Variants in AUTS2 observed in about 807,000 individuals in gnomAD.
AUTS2 encodes autism susceptibility gene 2 protein.
A neutral mutation model predicts 112.4 loss-of-function variants in AUTS2; 17 were observed. The observed-to-expected ratio is 0.15, with a 90% CI of 0.10 to 0.23. The LOEUF (loss-of-function observed/expected upper bound fraction) is 0.23. Among genes scored for constraint, AUTS2 ranks in the 10% least tolerant of loss-of-function variants. The pLI is 1.00. For missense variants in AUTS2, 1,510 were observed against 1,701.6 expected, an observed-to-expected ratio of 0.89 and a Z score of 1.98; for synonymous variants, 751 against 702.7, an observed-to-expected ratio of 1.07 and a Z score of -1.09.
At chr7:70,150,121 C>T (rs184025946) in intron 4 of AUTS2, among the ~76,000 whole-genome samples, 19 of 151,936 alleles carry the variant, frequency 1.3e-4, no homozygotes, top group Admixed American at 5.9e-4. Context: ...AAAATGTTTC[C>T]GAGGTAATGT....
At chr7:69,675,327 T>A (rs1186766428) in intron 1 of AUTS2, among the ~76,000 whole-genome samples, 1 of 152,152 alleles carries the variant, frequency 6.6e-6, no homozygotes, top group African/African-American at 2.4e-5. Context: ...TAAAAAATAA[T>A]TTTACAAATT....
intron 2 of AUTS2, among the ~76,000 whole-genome samples, chr7:70,012,666 G>A (rs573186135): frequency 6.6e-6 from 1 of 152,122 alleles, no homozygotes; most frequent in African/African-American, 2.4e-5. Context: ...TGTTAGAAGA[G>A]GCTTTGTCTT....
At chr7:70,141,325 T>A (rs576960804) in intron 4 of AUTS2, among the ~76,000 whole-genome samples, 1 of 152,192 alleles carries the variant, frequency 6.6e-6, no homozygotes, top group African/African-American at 2.4e-5. Flanking sequence ...GAGAAGGACG[T>A]CAAGTAAAGG....
At chr7:70,338,775 G>T (rs1475352072) in intron 4 of AUTS2, among the ~76,000 whole-genome samples, 1 of 151,920 alleles carries the variant, frequency 6.6e-6, no homozygotes, top group Non-Finnish European at 1.5e-5. Flanking sequence ...TGCTGTTGTT[G>T]TTTTAAACCA....
At chr7:70,720,969 C>T (rs1458172524) in intron 6 of AUTS2, among the ~76,000 whole-genome samples, 1 of 151,960 alleles carries the variant, frequency 6.6e-6, no homozygotes, top group Non-Finnish European at 1.5e-5. Flanking sequence ...CATACAAACA[C>T]AAGGGAAACA....
At chr7:69,984,599 A>T (rs1371833448) in intron 2 of AUTS2, among the ~76,000 whole-genome samples, 1 of 151,924 alleles carries the variant, frequency 6.6e-6, no homozygotes, top group African/African-American at 2.4e-5. Flanking sequence ...CACGTTACTT[A>T]TCTTTGTTTG....
intron 5 of AUTS2, among the ~76,000 whole-genome samples, chr7:70,652,570 T>C (rs1226943286): frequency 6.6e-6 from 1 of 152,052 alleles, no homozygotes; most frequent in African/African-American, 2.4e-5. Context: ...TCATAGAAAA[T>C]TGTGGTAGCC....
rs79041303 is a variant in AUTS2, at chr7:70,116,783, T to C, written c.523-1349T>C. On this transcript the variant is annotated intron_variant, in intron 2 of 18. Coordinates refer to ENST00000342771, the MANE Select transcript of AUTS2 (RefSeq NM_015570.4). ...TCCAAGGCTTCAGAAATCACTTCTC[T>C]GAACCTCCCTGGCTACTTTTTGGTT... Among the ~76,000 whole-genome samples the C allele has an allele frequency of 3.0e-3, 463 of 152,350 alleles. 5 individuals are homozygous for C. The highest frequency in any genetic ancestry group is 0.011 in the African/African-American group (449 of 41,592).
chr7:69,738,950 AGT>A (rs1787152077), intron 1 of AUTS2, among the ~76,000 whole-genome samples: 1 of 152,106 alleles, frequency 6.6e-6, no homozygotes, highest in South Asian at 2.1e-4. Flanking sequence ...TGCAGTTATT[AGT>A]GTGAATGCAA....
At chr7:69,669,942 C>A (rs185320713) in intron 1 of AUTS2, among the ~76,000 whole-genome samples, 1 of 152,062 alleles carries the variant, frequency 6.6e-6, no homozygotes, top group Admixed American at 6.6e-5. Flanking sequence ...CACAGCCTGG[C>A]GACATAATGG....
At chr7:70,226,523 A>G (rs1176696724) in intron 4 of AUTS2, among the ~76,000 whole-genome samples, 1 of 151,816 alleles carries the variant, frequency 6.6e-6, no homozygotes, top group East Asian at 1.9e-4. Context: ...TAATAATTAC[A>G]TATTACAGAT....
chr7:70,285,277 A>G (rs1788406094), intron 4 of AUTS2, among the ~76,000 whole-genome samples: 1 of 152,182 alleles, frequency 6.6e-6, no homozygotes, highest in Non-Finnish European at 1.5e-5. Context: ...AGTAGAGTAT[A>G]TTTCCAACTT....
intron 2 of AUTS2, among the ~76,000 whole-genome samples, chr7:69,913,305 A>G (rs2129542047): frequency 6.6e-6 from 1 of 152,280 alleles, no homozygotes; most frequent in African/African-American, 2.4e-5. Context: ...TCACCCCAGA[A>G]TTTATCAGCT....
intron 5 of AUTS2, among the ~76,000 whole-genome samples, chr7:70,610,212 TG>T (rs1804014678): frequency 6.6e-6 from 1 of 152,034 alleles, no homozygotes; most frequent in Non-Finnish European, 1.5e-5. Flanking sequence ...TAGGCTGGGC[TG>T]GTCTCGAACT....
At chr7:70,408,680 T>A (rs540454268) in intron 4 of AUTS2, among the ~76,000 whole-genome samples, 1 of 152,174 alleles carries the variant, frequency 6.6e-6, no homozygotes, top group South Asian at 2.1e-4. Context: ...AGGGAGCTGC[T>A]TGCTACAAAT....
chr7:70,586,813 T>G (rs1267405683), intron 5 of AUTS2, among the ~76,000 whole-genome samples: 3 of 152,208 alleles, frequency 2.0e-5, no homozygotes, highest in Non-Finnish European at 4.4e-5. Context: ...GCCCACAGAT[T>G]TTCCTAATTT....
At chr7:70,042,732 G>T (rs1426690045) in intron 2 of AUTS2, among the ~76,000 whole-genome samples, 2 of 152,134 alleles carry the variant, frequency 1.3e-5, no homozygotes, top group African/African-American at 2.4e-5. Flanking sequence ...TCTCTATTCT[G>T]CATGAAGTCT....
chr7:70,596,045 C>T (rs1185374926), intron 5 of AUTS2: 1 of 152,276 alleles, frequency 6.6e-6, no homozygotes, highest in East Asian at 1.9e-4. Flanking sequence ...TGACCTCCCC[C>T]GGGCCCGGGA....
chr7:70,214,719 G>A (rs1026836329), intron 4 of AUTS2, among the ~76,000 whole-genome samples: 3 of 152,126 alleles, frequency 2.0e-5, no homozygotes, highest in African/African-American at 7.2e-5. Flanking sequence ...TCTGTGGAAG[G>A]TTTCTGGAAT....
Sources: allele counts gnomAD v4.1 joint callset (sites outside exome capture counted in the v4.1 genomes callset), GRCh38; gene constraint gnomAD v4.1.1; transcripts MANE v1.5; gene names NCBI Gene and HGNC (gene_info 2026-07-23, HGNC 2026-07-21).